The following FRK variants were observed in gnomAD, a reference collection of about 807,000 sequenced individuals.
The protein encoded by FRK is fyn related Src family tyrosine kinase.
FRK carries 51 observed loss-of-function variants against 56.4 expected under a neutral mutation model. The ratio of observed to expected loss-of-function variants is 0.90; its 90% CI spans 0.72 to 1.14. The LOEUF is 1.14. Among genes scored for constraint, FRK ranks in the 50% most tolerant of loss-of-function variants. The probability of loss-of-function intolerance (pLI) is 0.00; values close to 1 mark genes in which losing one functional copy is unlikely to be tolerated. For missense variants in FRK, 570 were observed against 601.4 expected (o/e 0.95, Z 0.55); for synonymous variants, 245 against 217.9 (o/e 1.12, Z -1.10).
intron 1 of FRK, among the ~76,000 whole-genome samples, chr6:116,024,381 C>T (rs1775998548): frequency 1.3e-5 from 2 of 151,606 alleles, no homozygotes; most frequent in South Asian, 4.2e-4. Context: ...CGTCATCTAG[C>T]ATTAGGTATA....
the FRK span, among the ~76,000 whole-genome samples, chr6:116,089,876 C>T: frequency 6.6e-6 from 1 of 151,830 alleles, no homozygotes; most frequent in Non-Finnish European, 1.5e-5. Context: ...TTTGACTTTA[C>T]TTCTGAAGGA....
chr6:115,956,976 A>C (rs1312168533), intron 4 of FRK, among the ~76,000 whole-genome samples: 1 of 152,208 alleles, frequency 6.6e-6, no homozygotes, highest in Non-Finnish European at 1.5e-5. Context: ...CTGAATATTT[A>C]ATTACTGCAA....
chr6:116,032,488 G>T (rs749585459), intron 1 of FRK, among the ~76,000 whole-genome samples: 43 of 152,078 alleles, frequency 2.8e-4, no homozygotes, highest in Admixed American at 1.1e-3. Context: ...CACATGGCAG[G>T]TTTAATAAGT....
chr6:115,950,846 G>A (rs783996), intron 5 of FRK, among the ~76,000 whole-genome samples: 147,362 of 152,262 alleles, frequency 0.97, 71,501 homozygotes, highest in East Asian at 1. Context: ...GCCATAAAAA[G>A]GAATGAGTTC....
chr6:115,955,241 T>C (rs1350646665), intron 5 of FRK, among the ~76,000 whole-genome samples: 4 of 151,486 alleles, frequency 2.6e-5, no homozygotes, highest in African/African-American at 9.7e-5. Context: ...GGAAATGCCA[T>C]TGAGTGAAGT....
chr6:115,951,073 A>G (rs575786208), intron 5 of FRK, among the ~76,000 whole-genome samples: 39 of 152,308 alleles, frequency 2.6e-4, no homozygotes, highest in Middle Eastern at 3.4e-3. Flanking sequence ...AATGTAGATG[A>G]CAGGTTGATG....
chr6:115,989,966 T>A (rs1774534312), intron 2 of FRK, among the ~76,000 whole-genome samples: 1 of 151,998 alleles, frequency 6.6e-6, no homozygotes, highest in Admixed American at 6.6e-5. Flanking sequence ...CTTGATGTTT[T>A]AATAGTAGCC....
At chr6:115,989,330 G>T (rs1433426033) in intron 2 of FRK, among the ~76,000 whole-genome samples, 1 of 151,688 alleles carries the variant, frequency 6.6e-6, no homozygotes, top group African/African-American at 2.4e-5. Flanking sequence ...ACATATGCAG[G>T]TTTGTTATAT....
chr6:116,096,834 C>T, the FRK span, among the ~76,000 whole-genome samples: 2 of 152,228 alleles, frequency 1.3e-5, no homozygotes, highest in Non-Finnish European at 2.9e-5. Flanking sequence ...AATCTTGCTT[C>T]TGCTCACTCT....
At chr6:115,954,912 A>G (rs1195522783) in intron 5 of FRK, among the ~76,000 whole-genome samples, 1 of 152,190 alleles carries the variant, frequency 6.6e-6, no homozygotes, top group Non-Finnish European at 1.5e-5. Context: ...TTTGCAATGT[A>G]GCATGGATAA....
At chr6:116,006,177 A>C (rs1210978212) in intron 1 of FRK, among the ~76,000 whole-genome samples, 2 of 152,174 alleles carry the variant, frequency 1.3e-5, no homozygotes, top group Non-Finnish European at 2.9e-5. Context: ...GATAAGAGAA[A>C]GACAACACAG....
chr6:116,078,435 A>T, the FRK span, among the ~76,000 whole-genome samples: 1 of 152,188 alleles, frequency 6.6e-6, no homozygotes, highest in Non-Finnish European at 1.5e-5. Flanking sequence ...TGAGGTCCCT[A>T]AAGAGCTTGG....
chr6:116,040,611 G>C (rs1199984082), intron 1 of FRK, among the ~76,000 whole-genome samples: 1 of 151,746 alleles, frequency 6.6e-6, no homozygotes, highest in Non-Finnish European at 1.5e-5. Flanking sequence ...TTTTAATCTT[G>C]CATATTTTAT....
At chr6:116,088,571 T>C in the FRK span, among the ~76,000 whole-genome samples, 1 of 152,236 alleles carries the variant, frequency 6.6e-6, no homozygotes, top group Non-Finnish European at 1.5e-5. Context: ...GTATGTGATA[T>C]GTACTATGTC....
intron 1 of FRK, 133 bp from the exon 2 acceptor site, chr6:116,004,131 T>G (rs1271627114): frequency 9.6e-6 from 7 of 730,632 alleles, no homozygotes; most frequent in Non-Finnish European, 1.5e-5. Context: ...CAGGTATAAA[T>G]GGTAGCTTCT....
At chr6:115,990,584 G>C (rs1484789627) in intron 2 of FRK, among the ~76,000 whole-genome samples, 3 of 151,316 alleles carry the variant, frequency 2.0e-5, no homozygotes, top group African/African-American at 4.8e-5. Context: ...GTTGGTTTTG[G>C]CTATGTGGCT....
intron 1 of FRK, among the ~76,000 whole-genome samples, chr6:116,011,784 T>A (rs1041708484): frequency 6.6e-6 from 1 of 152,198 alleles, no homozygotes; most frequent in African/African-American, 2.4e-5. Flanking sequence ...CCCCTTGAAC[T>A]ATTATGGTTC....
intron 1 of FRK, among the ~76,000 whole-genome samples, chr6:116,029,506 A>G (rs1776220768): frequency 6.6e-6 from 1 of 152,148 alleles, no homozygotes; most frequent in South Asian, 2.1e-4. Flanking sequence ...CTGCTTGTGT[A>G]GTAGTGAGTC....
intron 2 of FRK, among the ~76,000 whole-genome samples, chr6:115,975,363 A>C (rs992131723): frequency 2.0e-5 from 3 of 152,196 alleles, no homozygotes; most frequent in Non-Finnish European, 4.4e-5. Flanking sequence ...TACATCAGGA[A>C]AATTCAATAC....
Sources: allele counts gnomAD v4.1 joint callset (sites outside exome capture counted in the v4.1 genomes callset), GRCh38; gene constraint gnomAD v4.1.1; transcripts MANE v1.5; gene names NCBI Gene and HGNC (gene_info 2026-07-23, HGNC 2026-07-21).